The following PTPRD variants were observed in gnomAD, a reference collection of about 807,000 sequenced individuals.
PTPRD encodes the protein protein tyrosine phosphatase receptor type D.
PTPRD carries 34 observed loss-of-function variants against 214.5 expected under a neutral mutation model. That is an observed-to-expected ratio of 0.16 (90% CI 0.12 to 0.21). The LOEUF (loss-of-function observed/expected upper bound fraction) is 0.21, where lower values mean the gene tolerates loss of function less well. PTPRD is among the 10% of genes least tolerant of loss of function. The probability of loss-of-function intolerance (pLI) is 1.00; values close to 1 mark genes in which losing one functional copy is unlikely to be tolerated. For synonymous variants in PTPRD, 1,128 were observed against 845.7 expected (o/e 1.33, Z -5.79); for missense variants, 2,545 against 2,398.7 (o/e 1.06, Z -1.27).
At chr9:10,367,655 G>T (rs940017854) in intron 2 of PTPRD, among the ~76,000 whole-genome samples, 4 of 152,194 alleles carry the variant, frequency 2.6e-5, no homozygotes, top group Non-Finnish European at 4.4e-5. Context: ...GCGGGGAGAA[G>T]AGAGTATGTA....
chr9:9,050,250 T>TA (rs1386711411), intron 10 of PTPRD, among the ~76,000 whole-genome samples: 4 of 152,192 alleles, frequency 2.6e-5, no homozygotes, highest in African/African-American at 9.6e-5. Context: ...AATGTACTGA[T>TA]AAAACTAGTC....
intron 30 of PTPRD, among the ~76,000 whole-genome samples, chr9:8,472,502 T>C (rs969027852): frequency 2.0e-5 from 3 of 152,152 alleles, no homozygotes; most frequent in Non-Finnish European, 4.4e-5. Flanking sequence ...ATTAAGAGTC[T>C]AGAGCAGAGC....
chr9:9,678,456 C>G (rs1343123317), intron 7 of PTPRD, among the ~76,000 whole-genome samples: 1 of 151,886 alleles, frequency 6.6e-6, no homozygotes, highest in African/African-American at 2.4e-5. Flanking sequence ...CTGACAAAAA[C>G]AAGAAATGGG....
intron 3 of PTPRD, among the ~76,000 whole-genome samples, chr9:10,043,015 C>G (rs1245597732): frequency 6.6e-6 from 1 of 151,836 alleles, no homozygotes; most frequent in Non-Finnish European, 1.5e-5. Flanking sequence ...AATCTGAGTT[C>G]TAACACAAAT....
intron 11 of PTPRD, among the ~76,000 whole-genome samples, chr9:8,805,595 TTTA>T (rs1191743130): frequency 2.0e-5 from 3 of 151,726 alleles, no homozygotes; most frequent in East Asian, 2.0e-4. Context: ...ATTTTTATTT[TTTA>T]TTATTATTAT....
rs530929128 is a variant in PTPRD at position 8,753,755 on chromosome 9, C to A, written c.-103-19809G>T. On this transcript the variant is annotated intron_variant, in intron 11 of 45. Transcript: ENST00000381196. ...AAACACTAAAAATGTAACAAAAGTT[C>A]ACAAGATTTCTATGCAGAAAATTAG... 1.8e-4 allele frequency among the ~76,000 whole-genome samples: 27 copies of A among 152,242 alleles called. No individual in the cohort carries two copies. In the East Asian group the frequency reaches 5.2e-3, roughly 29 times the overall value.
intron 21 of PTPRD, among the ~76,000 whole-genome samples, chr9:8,510,169 G>A (rs1261440853): frequency 6.6e-6 from 1 of 152,046 alleles, no homozygotes; most frequent in Non-Finnish European, 1.5e-5. Context: ...GAGCATGCCT[G>A]TAGTCCCAGC....
Position 9,548,667 on chromosome 9 carries a change from G to T in PTPRD, c.-237+26065C>A, listed in dbSNP as rs545802131. ...AGACACAAAAGAGTTAAAAGCAAAAGTATGATAAAAAACGATGTATTATAA... is the reference window on the plus strand; with the variant it reads ...AGACACAAAAGAGTTAAAAGCAAAATTATGATAAAAAACGATGTATTATAA... On this transcript the variant is annotated intron_variant, in intron 8 of 45. Transcript: ENST00000381196. Among the ~76,000 whole-genome samples the T allele has an allele frequency of 1.3e-4, 19 of 151,890 alleles. No homozygotes were observed. The East Asian group carries it at 3.7e-3, about 30-fold the overall frequency.
intron 14 of PTPRD, among the ~76,000 whole-genome samples, chr9:8,585,945 T>G (rs536338719): frequency 6.6e-6 from 1 of 152,280 alleles, no homozygotes; most frequent in South Asian, 2.1e-4. Flanking sequence ...AGATTAAAAT[T>G]TTATTATAAC....
chr9:8,418,597 T>C (rs949439663), intron 35 of PTPRD, among the ~76,000 whole-genome samples: 1 of 152,028 alleles, frequency 6.6e-6, no homozygotes, highest in African/African-American at 2.4e-5. Context: ...TTTAATCATT[T>C]CTTGTCTCAA....
intron 10 of PTPRD, among the ~76,000 whole-genome samples, chr9:9,109,573 T>C (rs910753212): frequency 1.1e-4 from 16 of 152,036 alleles, no homozygotes; most frequent in Non-Finnish European, 1.5e-4. Flanking sequence ...TTAATACTAA[T>C]AATCATAACA....
At chr9:9,816,423 T>C (rs1488699637) in intron 5 of PTPRD, among the ~76,000 whole-genome samples, 1 of 152,106 alleles carries the variant, frequency 6.6e-6, no homozygotes, top group Non-Finnish European at 1.5e-5. Context: ...ATAAGCTATC[T>C]AATGCATCAT....
chr9:9,781,997 T>G (rs916165675), intron 5 of PTPRD, among the ~76,000 whole-genome samples: 6 of 152,106 alleles, frequency 3.9e-5, no homozygotes, highest in African/African-American at 1.4e-4. Flanking sequence ...TTTCACCGTG[T>G]TAACCAGGAT....
chr9:9,432,352 A>T (rs1158672580), intron 8 of PTPRD, among the ~76,000 whole-genome samples: 15 of 152,122 alleles, frequency 9.9e-5, no homozygotes, highest in Non-Finnish European at 7.3e-5. Context: ...TTAAGGTTAA[A>T]ATGTACTTTG....
rs751656680 is a variant in PTPRD at position 9,996,974 on chromosome 9, G to A, written c.-472+36744C>T. Among the ~76,000 whole-genome samples the A allele has an allele frequency of 5.1e-4, 77 of 152,242 alleles. 1 individual carries two copies. Among genetic ancestry groups the A allele is most frequent in the Non-Finnish European group, 5.9e-4 (40 of 68,018 alleles). ...ACCAGGAAGTATGGCCTGTATACAGGAAAAAGAGCAGTCAGTAGAAACTAT... is the reference window on the plus strand; with the variant it reads ...ACCAGGAAGTATGGCCTGTATACAGAAAAAAGAGCAGTCAGTAGAAACTAT... On this transcript the variant is annotated intron_variant, in intron 4 of 45. Coordinates refer to ENST00000381196, the MANE Select transcript of PTPRD (RefSeq NM_002839.4).
At chr9:9,913,254 C>T (rs1252521136) in intron 5 of PTPRD, among the ~76,000 whole-genome samples, 1 of 152,080 alleles carries the variant, frequency 6.6e-6, no homozygotes, top group Non-Finnish European at 1.5e-5. Flanking sequence ...ATATAAATTT[C>T]CTTAATCTTT....
intron 10 of PTPRD, among the ~76,000 whole-genome samples, chr9:9,019,308 G>GAAAT (rs879356873): frequency 1.1e-4 from 11 of 103,112 alleles, no homozygotes; most frequent in African/African-American, 4.3e-4. Flanking sequence ...AAGAAAGAAA[G>GAAAT]AAAGAAAGAA....
chr9:9,328,179 T>C (rs893588182), intron 9 of PTPRD, among the ~76,000 whole-genome samples: 2 of 152,034 alleles, frequency 1.3e-5, no homozygotes, highest in African/African-American at 4.8e-5. Context: ...AAAAGTTGAG[T>C]TTTTAACACT....
chr9:10,228,956 T>C (rs1677143775), intron 3 of PTPRD, among the ~76,000 whole-genome samples: 2 of 152,044 alleles, frequency 1.3e-5, no homozygotes. Context: ...AATAAGGCAT[T>C]GCTTCTTAAT....
Sources: allele counts gnomAD v4.1 joint callset (sites outside exome capture counted in the v4.1 genomes callset), GRCh38; gene constraint gnomAD v4.1.1; transcripts MANE v1.5; gene names NCBI Gene and HGNC (gene_info 2026-07-23, HGNC 2026-07-21).